OPCML: variants seen among roughly 807,000 people sequenced by gnomAD.
The protein encoded by OPCML is opioid binding protein/cell adhesion molecule like, also known as opioid-binding protein/cell adhesion molecule.
Under a neutral mutation model 37.8 loss-of-function variants are expected in OPCML, and 13 were observed. The observed-to-expected ratio is 0.34, with a 90% confidence interval of 0.22 to 0.55. The LOEUF is 0.55. Among genes scored for constraint, OPCML ranks in the 20% least tolerant of loss-of-function variants. OPCML has a pLI of 0.91. For missense variants in OPCML, 341 were observed against 435.6 expected (o/e 0.78, Z 1.93); for synonymous variants, 176 against 168.8 (o/e 1.04, Z -0.33).
chr11:133,061,972 G>C (rs2136990590), intron 1 of OPCML, among the ~76,000 whole-genome samples: 1 of 152,286 alleles, frequency 6.6e-6, no homozygotes, highest in Admixed American at 6.5e-5. Context: ...TGGGGGCATA[G>C]GGTCTTGTTT....
chr11:132,806,217 A>G (rs1448041748), intron 2 of OPCML, among the ~76,000 whole-genome samples: 2 of 152,166 alleles, frequency 1.3e-5, no homozygotes, highest in Non-Finnish European at 2.9e-5. Flanking sequence ...TAAAACATAC[A>G]AACAAAAAAC....
At chr11:132,435,092 G>T (rs1016857687) in intron 7 of OPCML, 2 of 894,170 alleles carry the variant, frequency 2.2e-6, no homozygotes, top group Non-Finnish European at 3.2e-6. Context: ...TATCTTTGAA[G>T]TAGGCTAAAA....
intron 1 of OPCML, among the ~76,000 whole-genome samples, chr11:132,999,886 A>C (rs1034768697): frequency 1.3e-5 from 2 of 152,200 alleles, no homozygotes; most frequent in African/African-American, 4.8e-5. Context: ...AAAGTAGCCC[A>C]ACCTCTACCC....
intron 2 of OPCML, among the ~76,000 whole-genome samples, chr11:132,711,896 G>T (rs1268837633): frequency 6.6e-6 from 1 of 152,070 alleles, no homozygotes; most frequent in South Asian, 2.1e-4. Context: ...GTGCAATAAT[G>T]GTATACACAA....
chr11:133,371,138 T>G (rs1944665077), intron 1 of OPCML, among the ~76,000 whole-genome samples: 1 of 152,198 alleles, frequency 6.6e-6, no homozygotes, highest in Admixed American at 6.5e-5. Flanking sequence ...GAATGGTTGT[T>G]GCTGAAAAAG....
At chr11:133,518,384 T>G (rs550317062) in intron 1 of OPCML, among the ~76,000 whole-genome samples, 4 of 150,910 alleles carry the variant, frequency 2.7e-5, no homozygotes, top group African/African-American at 7.4e-5. Flanking sequence ...ATGGTGTGTG[T>G]AAATAAGTGT....
intron 4 of OPCML, among the ~76,000 whole-genome samples, chr11:132,503,023 G>T (rs1565618370): frequency 6.6e-6 from 1 of 152,176 alleles, no homozygotes; most frequent in Non-Finnish European, 1.5e-5. Context: ...GCTCAAAAAT[G>T]GTAGGTGACT....
chr11:133,343,674 T>C (rs1943929221), intron 1 of OPCML, among the ~76,000 whole-genome samples: 1 of 152,206 alleles, frequency 6.6e-6, no homozygotes, highest in Non-Finnish European at 1.5e-5. Context: ...ATTAATTTCT[T>C]TTCAGCTGTC....
intron 2 of OPCML, among the ~76,000 whole-genome samples, chr11:132,795,268 G>C (rs1015065315): frequency 2.6e-5 from 4 of 152,086 alleles, no homozygotes; most frequent in Admixed American, 2.6e-4. Flanking sequence ...GTTTGAATTT[G>C]TATACTTGTA....
At chr11:132,901,863 T>C (rs965167471) in intron 2 of OPCML, among the ~76,000 whole-genome samples, 3 of 151,900 alleles carry the variant, frequency 2.0e-5, no homozygotes, top group Non-Finnish European at 4.4e-5. Context: ...TCCTTAAAAA[T>C]ATATGTAAAC....
chr11:133,126,623 T>C (rs1249753888), intron 1 of OPCML, among the ~76,000 whole-genome samples: 2 of 152,190 alleles, frequency 1.3e-5, no homozygotes, highest in African/African-American at 4.8e-5. Flanking sequence ...ATCTTACAGA[T>C]ACACTTTAAG....
At chr11:132,517,016 C>G (rs1404629694) in intron 4 of OPCML, among the ~76,000 whole-genome samples, 1 of 152,154 alleles carries the variant, frequency 6.6e-6, no homozygotes, top group African/African-American at 2.4e-5. Flanking sequence ...ACCTCTCTAT[C>G]TCTTCTACAT....
chr11:132,888,580 T>A (rs1214260260), intron 2 of OPCML, among the ~76,000 whole-genome samples: 2 of 152,238 alleles, frequency 1.3e-5, no homozygotes, highest in African/African-American at 4.8e-5. Flanking sequence ...AAAGGTTATT[T>A]GCTTCGGAAA....
At chr11:133,039,867 A>C (rs967041144) in intron 1 of OPCML, among the ~76,000 whole-genome samples, 1 of 152,028 alleles carries the variant, frequency 6.6e-6, no homozygotes, top group Admixed American at 6.6e-5. Flanking sequence ...ATCTCTACTA[A>C]AAATACAAAA....
intron 2 of OPCML, among the ~76,000 whole-genome samples, chr11:132,900,681 T>G (rs1944026698): frequency 6.6e-6 from 1 of 152,214 alleles, no homozygotes; most frequent in South Asian, 2.1e-4. Flanking sequence ...TTCTCCTTCC[T>G]GCCCTATGGG....
intron 2 of OPCML, among the ~76,000 whole-genome samples, chr11:132,908,277 GTC>G (rs949333319): frequency 2.0e-5 from 3 of 146,582 alleles, no homozygotes; most frequent in Admixed American, 6.6e-5. Context: ...GAAACATAAG[GTC>G]TCTCTCTCTC....
chr11:133,082,262 C>T (rs1591984216), intron 1 of OPCML, among the ~76,000 whole-genome samples: 1 of 151,708 alleles, frequency 6.6e-6, no homozygotes, highest in African/African-American at 2.4e-5. Context: ...AAGCCACCAG[C>T]TCCCGCGCTG....
chr11:133,083,413 G>C (rs1011479742), intron 1 of OPCML, among the ~76,000 whole-genome samples: 3 of 152,156 alleles, frequency 2.0e-5, no homozygotes, highest in Non-Finnish European at 2.9e-5. Context: ...GCTGGCTGCG[G>C]AGAGGGCTGG....
chr11:133,521,583 T>C (rs1948398826), intron 1 of OPCML, among the ~76,000 whole-genome samples: 1 of 152,142 alleles, frequency 6.6e-6, no homozygotes, highest in African/African-American at 2.4e-5. Flanking sequence ...ATCCTGATAG[T>C]GGTTTTCATG....
Sources: gnomAD v4.1 joint callset for allele counts (sites outside exome capture counted in the v4.1 genomes callset) on GRCh38, gnomAD v4.1.1 for gene constraint, MANE v1.5 for transcripts, NCBI Gene and HGNC (gene_info 2026-07-23, HGNC 2026-07-21) for gene names.